The following TTC8 variants were observed in gnomAD, a reference collection of about 807,000 sequenced individuals.
TTC8 encodes tetratricopeptide repeat protein 8.
TTC8 carries 47 observed loss-of-function variants against 72.5 expected under a neutral mutation model. The observed-to-expected ratio is 0.65, with a 90% CI of 0.51 to 0.83. The LOEUF (loss-of-function observed/expected upper bound fraction) is 0.83, where lower values mean the gene tolerates loss of function less well. TTC8 is among the 40% of genes least tolerant of loss of function. The pLI, the probability that TTC8 is intolerant of heterozygous loss-of-function variation, is 0.00. For synonymous variants in TTC8, 199 were observed against 221.4 expected (o/e 0.90, Z 0.90); for missense variants, 611 against 623.2 (o/e 0.98, Z 0.21).
chr14:88,842,488 C>T (rs926367700), intron 6 of TTC8, among the ~76,000 whole-genome samples: 1 of 152,182 alleles, frequency 6.6e-6, no homozygotes, highest in Non-Finnish European at 1.5e-5. Flanking sequence ...GTAAAGCTAT[C>T]CTTACTTCCC....
chr14:88,841,218 A>G (rs781338483), intron 5 of TTC8, 22 bp downstream of exon 5: 64 of 1,613,722 alleles, frequency 4.0e-5, no homozygotes, highest in African/African-American at 1.3e-5. Flanking sequence ...CAGCTTTCCC[A>G]TAGCCTTGTA....
intron 3 of TTC8, among the ~76,000 whole-genome samples, 194 bp downstream of exon 3, chr14:88,839,766 T>C (rs925972004): frequency 3.3e-5 from 5 of 152,278 alleles, no homozygotes; most frequent in African/African-American, 1.2e-4. Context: ...AAAGGCTTTT[T>C]CCCCACAATT....
intron 9 of TTC8, among the ~76,000 whole-genome samples, chr14:88,860,274 C>T (rs2094879485): frequency 6.6e-6 from 1 of 151,976 alleles, no homozygotes; most frequent in East Asian, 1.9e-4. Flanking sequence ...AAAGCACACC[C>T]TTACTGTTTA....
At chr14:88,855,397 C>T (rs566503574) in intron 8 of TTC8, among the ~76,000 whole-genome samples, 31 of 152,180 alleles carry the variant, frequency 2.0e-4, no homozygotes, top group Non-Finnish European at 3.8e-4. Context: ...TGATACTGGC[C>T]GGTGTTTATA....
At chr14:88,832,806 G>A (rs946593473) in intron 1 of TTC8, among the ~76,000 whole-genome samples, 3 of 152,140 alleles carry the variant, frequency 2.0e-5, no homozygotes, top group Non-Finnish European at 2.9e-5. Context: ...CTTGGTAGGT[G>A]CACTGGAGTT....
chr14:88,859,857 C>CATATATAATATAAATATATTTATATT (rs1555393143), intron 9 of TTC8, among the ~76,000 whole-genome samples: 2 of 134,288 alleles, frequency 1.5e-5, no homozygotes, highest in Non-Finnish European at 3.1e-5. Flanking sequence ...AATATATAAT[C>CATATATAATATAAATATATTTATATT]ATATATAATA....
intron 7 of TTC8, among the ~76,000 whole-genome samples, chr14:88,848,028 CAGG>C (rs2094815710): frequency 6.9e-6 from 1 of 144,990 alleles, no homozygotes; most frequent in Admixed American, 7.3e-5. Context: ...GAGGCTGAGG[CAGG>C]AGAATTGCTT....
chr14:88,847,160 A>G (rs1281670598), intron 7 of TTC8, among the ~76,000 whole-genome samples: 3 of 152,194 alleles, frequency 2.0e-5, no homozygotes, highest in Admixed American at 2.0e-4. Context: ...TCCGCAGGCA[A>G]TGCTAATTTT....
At chr14:88,834,119 T>C (rs2094739017) in intron 2 of TTC8, 1 of 235,692 alleles carries the variant, frequency 4.2e-6, no homozygotes, top group South Asian at 5.6e-5. Flanking sequence ...AAGAGTGGAC[T>C]GTGCTTGGGA....
chr14:88,851,164 A>C (rs929756077), intron 7 of TTC8, among the ~76,000 whole-genome samples: 3 of 152,194 alleles, frequency 2.0e-5, no homozygotes, highest in African/African-American at 7.2e-5. Flanking sequence ...AGCTTAGTTT[A>C]AAAAAACTGT....
chr14:88,847,458 T>A (rs2094812672), intron 7 of TTC8, among the ~76,000 whole-genome samples: 1 of 152,196 alleles, frequency 6.6e-6, no homozygotes, highest in Non-Finnish European at 1.5e-5. Flanking sequence ...AGTCCCCATT[T>A]ATAAATTATA....
chr14:88,839,777 C>T (rs934660033), intron 3 of TTC8, among the ~76,000 whole-genome samples: 5 of 152,106 alleles, frequency 3.3e-5, no homozygotes, highest in Admixed American at 2.0e-4. Flanking sequence ...CCCCACAATT[C>T]AGTTATCTTA....
chr14:88,827,963 T>C (rs1297239931), intron 1 of TTC8, among the ~76,000 whole-genome samples: 1 of 152,086 alleles, frequency 6.6e-6, no homozygotes. Context: ...TGATATGTAT[T>C]TGCTGAATGA....
chr14:88,855,068 T>TA (rs1283250811), intron 8 of TTC8, among the ~76,000 whole-genome samples: 6 of 152,174 alleles, frequency 3.9e-5, no homozygotes, highest in Non-Finnish European at 8.8e-5. Flanking sequence ...CCTATGTACT[T>TA]ACGTTCATGG....
Position 88,875,600 on chromosome 14 carries a change from C to G in TTC8, c.1431+491C>G, listed in dbSNP as rs1282948304. On this transcript the variant is annotated intron_variant, in intron 14 of 14. Coordinates refer to ENST00000380656, the MANE Select transcript of TTC8 (RefSeq NM_144596.4). ...AGTATCCGAAAGCTAAAGGGAACCA[C>G]GTGCCATTTTTAACAATAAGAAAAC... Among the ~76,000 whole-genome samples, 4 of 152,066 alleles carry G rather than the reference C, an allele frequency of 2.6e-5. No homozygotes were observed. In the East Asian group the frequency reaches 7.7e-4, roughly 29 times the overall value.
At chr14:88,850,977 A>G (rs2094830861) in intron 7 of TTC8, among the ~76,000 whole-genome samples, 1 of 152,218 alleles carries the variant, frequency 6.6e-6, no homozygotes, top group Non-Finnish European at 1.5e-5. Context: ...TCTCGAAGCC[A>G]TGGCTTACAA....
At chr14:88,881,079 C>G (rs559317860), downstream of TTC8, 88 of 151,842 alleles carry the variant, frequency 5.8e-4, no homozygotes, top group African/African-American at 2.1e-3. Context: ...CCTTCCATTT[C>G]TCTTGTGTGT....
At chr14:88,878,060 A>C (rs912968428), downstream of TTC8, 1 of 152,192 alleles carries the variant, frequency 6.6e-6, no homozygotes, top group Non-Finnish European at 1.5e-5. Flanking sequence ...GAAGTCCAGT[A>C]ATCTTAGAAA....
At chr14:88,839,256 T>C (rs1475766934) in intron 2 of TTC8, among the ~76,000 whole-genome samples, 196 bp from the exon 3 acceptor site, 2 of 152,164 alleles carry the variant, frequency 1.3e-5, no homozygotes, top group Non-Finnish European at 2.9e-5. Context: ...ATTGATACAT[T>C]GGTTGTTTCT....
Sources: allele counts gnomAD v4.1 joint callset (sites outside exome capture counted in the v4.1 genomes callset), GRCh38; gene constraint gnomAD v4.1.1; transcripts MANE v1.5; gene names NCBI Gene and HGNC (gene_info 2026-07-23, HGNC 2026-07-21).